NFE2L2: variants seen among roughly 807,000 people sequenced by gnomAD.
The protein encoded by NFE2L2 is nuclear factor erythroid 2-related factor 2.
NFE2L2 carries 20 observed loss-of-function variants against 49.6 expected under a neutral mutation model. The ratio of observed to expected loss-of-function variants is 0.40; its 90% CI spans 0.28 to 0.59. NFE2L2 has a LOEUF of 0.59. Among genes scored for constraint, NFE2L2 ranks in the 20% least tolerant of loss-of-function variants. The probability of loss-of-function intolerance (pLI) is 0.40; values close to 1 mark genes in which losing one functional copy is unlikely to be tolerated. For synonymous variants in NFE2L2, 244 were observed against 256.5 expected (o/e 0.95, Z 0.47); for missense variants, 578 against 714.2 (o/e 0.81, Z 2.17).
chr2:177,261,180 A>C (rs1270496957), intron 1 of NFE2L2, among the ~76,000 whole-genome samples: 2 of 150,490 alleles, frequency 1.3e-5, no homozygotes, highest in South Asian at 2.1e-4. Context: ...CAAAAAAAAA[A>C]AAAAACAAAA....
chr2:177,235,024 G>A (rs915056129), intron 1 of NFE2L2, among the ~76,000 whole-genome samples: 8 of 152,118 alleles, frequency 5.3e-5, no homozygotes, highest in African/African-American at 1.9e-4. Flanking sequence ...GCTGAGGCAG[G>A]AGAATCGGCT....
intron 1 of NFE2L2, among the ~76,000 whole-genome samples, chr2:177,237,523 T>A (rs1689791141): frequency 1.3e-5 from 2 of 151,472 alleles, no homozygotes; most frequent in Non-Finnish European, 2.9e-5. Context: ...ACCTACTTTA[T>A]TTTATTTTTT....
chr2:177,251,373 T>C (rs1040015741), intron 1 of NFE2L2, among the ~76,000 whole-genome samples: 16 of 152,166 alleles, frequency 1.1e-4, no homozygotes, highest in Admixed American at 5.9e-4. Flanking sequence ...AGACCTTGCC[T>C]ATGGACACTG....
At chr2:177,246,412 A>C (rs1690132268) in intron 1 of NFE2L2, among the ~76,000 whole-genome samples, 1 of 152,252 alleles carries the variant, frequency 6.6e-6, no homozygotes, top group Non-Finnish European at 1.5e-5. Context: ...TATAAGATTT[A>C]AAAGTTGCAA....
At chr2:177,232,128 A>G (rs909264918) in intron 4 of NFE2L2, 120 bp from the exon 5 acceptor site, 30 of 1,052,272 alleles carry the variant, frequency 2.9e-5, no homozygotes, top group African/African-American at 2.3e-4. Flanking sequence ...TTTATTATCT[A>G]TAATTCAGAG....
intron 1 of NFE2L2, among the ~76,000 whole-genome samples, chr2:177,255,484 G>C (rs1049568577): frequency 2.0e-5 from 3 of 152,208 alleles, no homozygotes; most frequent in Non-Finnish European, 4.4e-5. Flanking sequence ...AGCAGGAGAA[G>C]AACATGTGGG....
intron 1 of NFE2L2, among the ~76,000 whole-genome samples, chr2:177,234,551 C>A (rs991906489): frequency 5.3e-5 from 8 of 152,142 alleles, no homozygotes; most frequent in African/African-American, 9.7e-5. Context: ...CACTAAAGGG[C>A]AAAGTCACAA....
intron 3 of NFE2L2, 76 bp downstream of exon 3, chr2:177,233,174 G>A (rs1689619782): frequency 8.4e-7 from 1 of 1,197,056 alleles, no homozygotes; most frequent in African/African-American, 1.6e-5. Flanking sequence ...TTCATTGACG[G>A]GACTTACATA....
intron 1 of NFE2L2, among the ~76,000 whole-genome samples, chr2:177,252,017 A>AAAAG (rs1553490692): frequency 6.7e-6 from 1 of 149,428 alleles, no homozygotes; most frequent in Non-Finnish European, 1.5e-5. Context: ...AAAAAAAAAA[A>AAAAG]GGGATTTTTT....
chr2:177,262,483 G>A (rs1414548862), intron 1 of NFE2L2, among the ~76,000 whole-genome samples: 10 of 152,130 alleles, frequency 6.6e-5, no homozygotes, highest in Admixed American at 6.5e-4. Context: ...TTGACAAAAG[G>A]TCAAGAAAAT....
Position 177,231,446 on chromosome 2 carries a change from C to G in NFE2L2, c.1157G>C (p.Gly386Ala). The G allele has an allele frequency of 6.2e-7, 1 of 1,614,238 alleles. No homozygotes were observed. Among genetic ancestry groups the G allele is most frequent in the South Asian group, 1.1e-5 (1 of 91,084 alleles). ...SEVEELDSAPGSVKQNGPKTP... is the reference protein window; with the variant it reads ...SEVEELDSAPASVKQNGPKTP... ...TTTAGGACCATTCTGTTTGACACTT[C>G]CAGGGGCACTATCTAGCTCTTCCAC... The change falls in exon 5 of 5, where the codon GGA becomes GCA. Residue 386 changes from glycine to alanine, a missense_variant. By Grantham distance (60) the Gly-to-Ala change is moderately conservative. This residue lies in a region of NFE2L2 where 368 missense variants were observed against 384.6 expected (regional missense o/e 0.96). Transcript: ENST00000397062.
intron 1 of NFE2L2, among the ~76,000 whole-genome samples, chr2:177,244,215 C>T (rs866536874): frequency 4.6e-5 from 7 of 151,486 alleles, no homozygotes; most frequent in African/African-American, 1.2e-4. Flanking sequence ...GCAGGAGAAT[C>T]GCTTGAACCC....
chr2:177,247,268 T>C (rs1203766828), intron 1 of NFE2L2, among the ~76,000 whole-genome samples: 1 of 152,072 alleles, frequency 6.6e-6, no homozygotes, highest in African/African-American at 2.4e-5. Flanking sequence ...ACTCAATAAA[T>C]ACACATTAAC....
Position 177,232,522 on chromosome 2 carries a change from A to T in NFE2L2, c.464T>A (p.Val155Asp), listed in dbSNP as rs1337394969. 8 of 1,614,022 alleles carry T rather than the reference A, an allele frequency of 5.0e-6. No homozygotes were observed. Among genetic ancestry groups the T allele is most frequent in the African/African-American group, 1.3e-5 (1 of 74,918 alleles). The stretch of plus-strand genomic sequence containing the variant: ...CTGAGCCTGATTAGTAGCAATGAAG[A>T]CTGGGCTCTCGATGTGACCGGGAAT... ...PDIPGHIESP[V>D]FIATNQAQSP... Residue 155 changes from valine to aspartate, a missense_variant, in exon 4 of 5, where the codon GTC becomes GAC. Coordinates refer to ENST00000397062, the MANE Select transcript of NFE2L2 (RefSeq NM_006164.5).
chr2:177,231,032 TCTA>T lies in NFE2L2; in HGVS notation c.1568_1570del (p.Val523del). ...CAAATGATCTAAATCTTGCTCTAGT[TCTA>T]CTATATTTTCCAGTTTTCTTTTTCT... On this transcript the variant is annotated inframe_deletion, in exon 5 of 5. Transcript: ENST00000397062. The T allele has an allele frequency of 6.2e-7, 1 of 1,613,894 alleles. No individual in the cohort carries two copies. The highest frequency in any genetic ancestry group is 8.5e-7 in the Non-Finnish European group (1 of 1,180,016).
intron 1 of NFE2L2, among the ~76,000 whole-genome samples, chr2:177,260,652 G>C (rs576280121): frequency 6.6e-6 from 1 of 152,066 alleles, no homozygotes; most frequent in East Asian, 1.9e-4. Context: ...GTTTAACCCT[G>C]TCTGTCACAC....
At chr2:177,255,935 T>C (rs949676470) in intron 1 of NFE2L2, 4 of 153,864 alleles carry the variant, frequency 2.6e-5, no homozygotes, top group Admixed American at 1.3e-4. Context: ...ACTTGAAAAA[T>C]TGGCAAGTTT....
At chr2:177,258,091 G>C (rs1456626047) in intron 1 of NFE2L2, among the ~76,000 whole-genome samples, 8 of 152,162 alleles carry the variant, frequency 5.3e-5, no homozygotes, top group Non-Finnish European at 7.4e-5. Flanking sequence ...CTGGGCATTA[G>C]TTTTTTAAAT....
At chr2:177,256,992 CAA>C (rs1690550048) in intron 1 of NFE2L2, among the ~76,000 whole-genome samples, 1 of 152,228 alleles carries the variant, frequency 6.6e-6, no homozygotes, top group Admixed American at 6.5e-5. Context: ...CACCCACACA[CAA>C]GTTGCCAACA....
Sources: gnomAD v4.1 joint callset for allele counts (sites outside exome capture counted in the v4.1 genomes callset) on GRCh38, gnomAD v4.1.1 for gene constraint, gnomAD v4.1.1 regional missense constraint, MANE v1.5 for transcripts, NCBI Gene and HGNC (gene_info 2026-07-23, HGNC 2026-07-21) for gene names.